Variants in RALA observed in about 807,000 individuals in gnomAD.
The protein encoded by RALA is RAS like proto-oncogene A.
RALA carries 5 observed loss-of-function variants against 24.0 expected under a neutral mutation model. The observed-to-expected ratio is 0.21, with a 90% CI of 0.11 to 0.44. The LOEUF (loss-of-function observed/expected upper bound fraction) is 0.44. Among genes scored for constraint, RALA ranks in the 20% least tolerant of loss-of-function variants. The probability of loss-of-function intolerance (pLI) is 0.99; values close to 1 mark genes in which losing one functional copy is unlikely to be tolerated. For missense variants in RALA, 95 were observed against 241.2 expected (o/e 0.39, Z 4.01); for synonymous variants, 77 against 83.8 (o/e 0.92, Z 0.44).
chr7:39,702,267 A>G (rs965917292), intron 4 of RALA, among the ~76,000 whole-genome samples: 2 of 152,142 alleles, frequency 1.3e-5, no homozygotes, highest in African/African-American at 2.4e-5. Context: ...CAGTGCTAAC[A>G]CGGGTGTGTC....
intron 1 of RALA, among the ~76,000 whole-genome samples, chr7:39,632,533 A>G (rs1791615568): frequency 6.6e-6 from 1 of 152,112 alleles, no homozygotes; most frequent in Admixed American, 6.5e-5. Flanking sequence ...GCTTATGGAG[A>G]TTGGCTGGGC....
intron 1 of RALA, among the ~76,000 whole-genome samples, chr7:39,680,380 A>AAAAAC (rs1554297569): frequency 2.6e-5 from 2 of 78,030 alleles, no homozygotes; most frequent in African/African-American, 8.2e-5. Context: ...CTGTCTCAAA[A>AAAAAC]AAAAACAAAA....
At chr7:39,627,176 T>C (rs554188518) in intron 1 of RALA, among the ~76,000 whole-genome samples, 1 of 152,308 alleles carries the variant, frequency 6.6e-6, no homozygotes, top group African/African-American at 2.4e-5. Context: ...GACATCTTTC[T>C]TATTACCTTA....
intron 1 of RALA, among the ~76,000 whole-genome samples, chr7:39,679,153 T>G (rs1562620187): frequency 6.6e-6 from 1 of 152,182 alleles, no homozygotes; most frequent in African/African-American, 2.4e-5. Flanking sequence ...TTTTTGTGGT[T>G]ACATATTATT....
intron 4 of RALA, among the ~76,000 whole-genome samples, chr7:39,702,665 G>A (rs1793048629): frequency 6.6e-6 from 1 of 152,196 alleles, no homozygotes; most frequent in Admixed American, 6.5e-5. Context: ...ATACACTATA[G>A]AGTACTATTC....
chr7:39,687,961 A>C (rs1411432974), intron 2 of RALA, among the ~76,000 whole-genome samples: 1 of 152,136 alleles, frequency 6.6e-6, no homozygotes, highest in African/African-American at 2.4e-5. Context: ...TTTTAAATAG[A>C]GACCAGGTTC....
At chr7:39,701,335 AG>A (rs1793023277) in intron 4 of RALA, among the ~76,000 whole-genome samples, 1 of 152,136 alleles carries the variant, frequency 6.6e-6, no homozygotes, top group African/African-American at 2.4e-5. Flanking sequence ...ACATGGCAAA[AG>A]CCTATCTCTA....
At chr7:39,672,854 G>T (rs888973791) in intron 1 of RALA, among the ~76,000 whole-genome samples, 6 of 152,064 alleles carry the variant, frequency 3.9e-5, no homozygotes, top group Non-Finnish European at 8.8e-5. Context: ...AACTTTTTGG[G>T]GTAATGGAAA....
intron 1 of RALA, among the ~76,000 whole-genome samples, chr7:39,678,078 G>GAT (rs1792520692): frequency 6.7e-6 from 1 of 149,754 alleles, no homozygotes; most frequent in South Asian, 2.1e-4. Context: ...AGCATTGGGA[G>GAT]ATATACCTAA....
intron 1 of RALA, among the ~76,000 whole-genome samples, chr7:39,668,797 C>CAAAAA (rs70996827): frequency 1.2e-5 from 1 of 81,878 alleles, no homozygotes; most frequent in Non-Finnish European, 2.5e-5. Context: ...AATTCCATCT[C>CAAAAA]AAAAAAAAAA....
At chr7:39,624,134 A>G (rs1316631180) in intron 1 of RALA, 1 of 151,990 alleles carries the variant, frequency 6.6e-6, no homozygotes, top group Non-Finnish European at 1.5e-5. Flanking sequence ...ACGGCGCCCA[A>G]GTTCCCGCCC....
At chr7:39,632,482 A>T (rs558836475) in intron 1 of RALA, among the ~76,000 whole-genome samples, 39 of 152,314 alleles carry the variant, frequency 2.6e-4, no homozygotes, top group African/African-American at 8.9e-4. Context: ...TATATACCTT[A>T]CAAGGGTTGC....
intron 1 of RALA, among the ~76,000 whole-genome samples, chr7:39,642,485 G>C (rs182728120): frequency 6.6e-5 from 10 of 152,146 alleles, no homozygotes; most frequent in Admixed American, 3.3e-4. Flanking sequence ...GATTTTCCTT[G>C]GTTTGCTATC....
At chr7:39,633,731 T>A (rs1043665945) in intron 1 of RALA, among the ~76,000 whole-genome samples, 1 of 152,220 alleles carries the variant, frequency 6.6e-6, no homozygotes. Flanking sequence ...CTGGGACATC[T>A]GGCTTTGAGG....
At chr7:39,628,939 A>T (rs10232064) in intron 1 of RALA, among the ~76,000 whole-genome samples, 69,125 of 152,096 alleles carry the variant, frequency 0.45, 16,535 homozygotes, top group Non-Finnish European at 0.52. Context: ...AAAAGATAAA[A>T]TACATAAACT....
chr7:39,653,950 C>T (rs1792057439), intron 1 of RALA, among the ~76,000 whole-genome samples: 1 of 152,110 alleles, frequency 6.6e-6, no homozygotes, highest in Non-Finnish European at 1.5e-5. Context: ...GATTACAGAA[C>T]TGAGAAAGAT....
At chr7:39,684,348 G>T (rs953993152) in intron 1 of RALA, among the ~76,000 whole-genome samples, 9 of 152,192 alleles carry the variant, frequency 5.9e-5, no homozygotes, top group Non-Finnish European at 1.2e-4. Flanking sequence ...TATGTTAAAT[G>T]TAGATTGAAA....
Position 39,706,439 on chromosome 7 carries a change from C to T in RALA, c.*194C>T. 1 of 527,420 alleles carries T rather than the reference C, an allele frequency of 1.9e-6. No individual in the cohort carries two copies. Among genetic ancestry groups the T allele is most frequent in the South Asian group, 2.6e-5 (1 of 38,950 alleles). The allele number at this position is 527,420 out of a possible 1,614,324, so 32.7% of individuals were successfully genotyped here. A position where few individuals can be genotyped will look rare whatever the true frequency, so the allele number is the denominator to read the frequency against. Reference sequence around the variant, plus strand: ...AAATTAATATGGCTTCACCAAGAAGCAAAGTTCAACTTATTTCATAATTGC... The same window carrying T: ...AAATTAATATGGCTTCACCAAGAAGTAAAGTTCAACTTATTTCATAATTGC... On this transcript the variant is annotated 3_prime_UTR_variant, in exon 5 of 5. Coordinates refer to ENST00000005257, the MANE Select transcript of RALA (RefSeq NM_005402.4).
At chr7:39,680,400 A>AAAACC in intron 1 of RALA, among the ~76,000 whole-genome samples, 1 of 146,592 alleles carries the variant, frequency 6.8e-6, no homozygotes, top group South Asian at 2.1e-4. Flanking sequence ...AACAAAAAAA[A>AAAACC]CACAAATATA....
Sources: allele counts gnomAD v4.1 joint callset (sites outside exome capture counted in the v4.1 genomes callset), GRCh38; gene constraint gnomAD v4.1.1; transcripts MANE v1.5; gene names NCBI Gene and HGNC (gene_info 2026-07-23, HGNC 2026-07-21).